STIM2: variants seen among roughly 807,000 people sequenced by gnomAD.
STIM2 encodes stromal interaction molecule 2.
A neutral mutation model predicts 85.8 loss-of-function variants in STIM2; 31 were observed. The observed-to-expected ratio is 0.36, with a 90% CI of 0.27 to 0.49. The LOEUF is 0.49. Among genes scored for constraint, STIM2 ranks in the 20% least tolerant of loss-of-function variants. STIM2 has a pLI of 0.98. For synonymous variants in STIM2, 356 were observed against 331.1 expected (o/e 1.08, Z -0.82); for missense variants, 841 against 927.6 (o/e 0.91, Z 1.21).
At chr4:26,965,254 T>C (rs931633484) in intron 3 of STIM2, among the ~76,000 whole-genome samples, 13 of 152,090 alleles carry the variant, frequency 8.5e-5, no homozygotes, top group African/African-American at 3.1e-4. Context: ...TCTTTAATAG[T>C]CCGGGTTTCT....
At chr4:26,978,594 C>G (rs1381730470) in intron 3 of STIM2, among the ~76,000 whole-genome samples, 2 of 152,084 alleles carry the variant, frequency 1.3e-5, no homozygotes, top group African/African-American at 2.4e-5. Context: ...AACTAGGAGT[C>G]TTGCCTGCCT....
At chr4:26,984,588 C>G (rs1727514037) in intron 3 of STIM2, among the ~76,000 whole-genome samples, 1 of 152,206 alleles carries the variant, frequency 6.6e-6, no homozygotes, top group Admixed American at 6.5e-5. Context: ...TGGTGTCGAA[C>G]TCCTGGCCTC....
At chr4:26,937,642 A>AT (rs1186695777) in intron 2 of STIM2, among the ~76,000 whole-genome samples, 2 of 152,118 alleles carry the variant, frequency 1.3e-5, no homozygotes, top group Non-Finnish European at 2.9e-5. Flanking sequence ...CCCAACTGGC[A>AT]TTTTTTCTGA....
chr4:26,870,326 G>A (rs1334053143), intron 1 of STIM2, among the ~76,000 whole-genome samples: 1 of 151,550 alleles, frequency 6.6e-6, no homozygotes, highest in Non-Finnish European at 1.5e-5. Flanking sequence ...AGGATGTGAT[G>A]TGATGGATTA....
In STIM2 at chr4:26,860,975, C is replaced by G; in HGVS notation, c.-244C>G. The G allele has an allele frequency of 1.6e-6, 2 of 1,268,340 alleles. No homozygotes were observed. The highest frequency in any genetic ancestry group is 2.0e-6 in the Non-Finnish European group (2 of 995,372). The allele number at this position is 1,268,340 out of a possible 1,614,324, so 78.6% of individuals were successfully genotyped here. On this transcript the variant is annotated 5_prime_UTR_variant, in exon 1 of 12. In the 5' UTR this introduces an upstream ATG that the reference lacks. Coordinates refer to ENST00000467087, the MANE Select transcript of STIM2 (RefSeq NM_020860.4). ...CGGAACCAATGAACGCAGCCGGGAT[C>G]AGAGCTCCGGAGGCCGCCGGTGCCG...
intron 1 of STIM2, among the ~76,000 whole-genome samples, chr4:26,872,551 A>G (rs930810550): frequency 2.0e-5 from 3 of 152,216 alleles, no homozygotes; most frequent in Admixed American, 6.5e-5. Context: ...TCTTTTATAG[A>G]TATGTATGCA....
intron 1 of STIM2, among the ~76,000 whole-genome samples, chr4:26,896,647 A>C (rs1178608011): frequency 6.6e-6 from 1 of 152,212 alleles, no homozygotes; most frequent in Non-Finnish European, 1.5e-5. Flanking sequence ...TTTTCCCCAG[A>C]TGTGACATCT....
intron 2 of STIM2, among the ~76,000 whole-genome samples, chr4:26,941,927 AACTTTC>A (rs1009182117): frequency 1.4e-4 from 22 of 152,174 alleles, no homozygotes; most frequent in Non-Finnish European, 2.6e-4. Context: ...CAAATTTTAA[AACTTTC>A]ACTTTCTTTT....
chr4:26,870,326 G>T (rs1334053143), intron 1 of STIM2, among the ~76,000 whole-genome samples: 1 of 151,550 alleles, frequency 6.6e-6, no homozygotes, highest in Non-Finnish European at 1.5e-5. Flanking sequence ...AGGATGTGAT[G>T]TGATGGATTA....
chr4:26,865,989 GT>G (rs11302319), intron 1 of STIM2, among the ~76,000 whole-genome samples: 147,527 of 148,806 alleles, frequency 0.99, 73,132 homozygotes, highest in Middle Eastern at 1. Context: ...GATAGCTACT[GT>G]TTTTTTTTTT....
At chr4:26,953,480 T>C (rs1437516565) in intron 2 of STIM2, among the ~76,000 whole-genome samples, 1 of 152,124 alleles carries the variant, frequency 6.6e-6, no homozygotes, top group Admixed American at 6.6e-5. Context: ...AAATGTCTTA[T>C]AGTAAGTAGT....
intron 2 of STIM2, among the ~76,000 whole-genome samples, chr4:26,943,049 A>T (rs978586858): frequency 6.6e-5 from 10 of 152,154 alleles, no homozygotes; most frequent in Non-Finnish European, 1.5e-4. Flanking sequence ...CAGCTGCATT[A>T]TAACAATCTT....
intron 2 of STIM2, among the ~76,000 whole-genome samples, chr4:26,932,256 AG>A (rs1244577460): frequency 6.6e-6 from 1 of 152,204 alleles, no homozygotes; most frequent in African/African-American, 2.4e-5. Context: ...GTGTTAATGT[AG>A]ATTATTAATC....
chr4:26,918,819 T>A (rs915660936), intron 1 of STIM2, among the ~76,000 whole-genome samples: 1 of 152,244 alleles, frequency 6.6e-6, no homozygotes, highest in Admixed American at 6.5e-5. Context: ...GATTCACATA[T>A]ATTCCATAGG....
chr4:26,877,405 C>A (rs1722851734), intron 1 of STIM2, among the ~76,000 whole-genome samples: 1 of 151,822 alleles, frequency 6.6e-6, no homozygotes, highest in African/African-American at 2.4e-5. Flanking sequence ...TTTCCTTTAC[C>A]TTTTTTAACA....
intron 3 of STIM2, among the ~76,000 whole-genome samples, chr4:26,959,453 TCTTA>T (rs1726370186): frequency 6.6e-6 from 1 of 152,160 alleles, no homozygotes; most frequent in Admixed American, 6.6e-5. Context: ...TCTTGATCTT[TCTTA>T]CTCAGCTTCA....
chr4:27,006,207 G>C (rs1338589900), intron 7 of STIM2, among the ~76,000 whole-genome samples: 1 of 152,148 alleles, frequency 6.6e-6, no homozygotes, highest in Non-Finnish European at 1.5e-5. Flanking sequence ...CTGTCACCTA[G>C]TGTTGCATTG....
At chr4:26,897,985 T>C (rs1418421560) in intron 1 of STIM2, among the ~76,000 whole-genome samples, 1 of 152,186 alleles carries the variant, frequency 6.6e-6, no homozygotes, top group Non-Finnish European at 1.5e-5. Flanking sequence ...CAAGCTGGTC[T>C]TGAATTCTTG....
At chr4:27,021,186 C>T (rs1728898603) in intron 11 of STIM2, 2 of 838,760 alleles carry the variant, frequency 2.4e-6, no homozygotes, top group Non-Finnish European at 3.8e-6. Context: ...AAACTTGCCA[C>T]TCTTCTAGTG....
Sources: allele counts gnomAD v4.1 joint callset (sites outside exome capture counted in the v4.1 genomes callset), GRCh38; gene constraint gnomAD v4.1.1; transcripts MANE v1.5; gene names NCBI Gene and HGNC (gene_info 2026-07-23, HGNC 2026-07-21).